WDR25: variants seen among roughly 807,000 people sequenced by gnomAD.
WDR25 encodes WD repeat-containing protein 25.
WDR25 carries 35 observed loss-of-function variants against 47.7 expected under a neutral mutation model. That is an observed-to-expected ratio of 0.73 (90% CI 0.56 to 0.97). The LOEUF (loss-of-function observed/expected upper bound fraction) is 0.97. Ranked by LOEUF, WDR25 falls within the 50% of genes least tolerant of loss-of-function variation. WDR25 has a pLI of 0.00. For missense variants in WDR25, 634 were observed against 704.7 expected (o/e 0.90, Z 1.14); for synonymous variants, 248 against 278.9 (o/e 0.89, Z 1.10).
At chr14:100,505,263 G>A (rs767559037) in intron 4 of WDR25, among the ~76,000 whole-genome samples, 1 of 152,100 alleles carries the variant, frequency 6.6e-6, no homozygotes, top group Non-Finnish European at 1.5e-5. Context: ...TTTGTTTATG[G>A]TGTGAGGTAA....
chr14:100,473,192 C>T (rs942329401), intron 3 of WDR25, among the ~76,000 whole-genome samples: 7 of 152,230 alleles, frequency 4.6e-5, no homozygotes, highest in Non-Finnish European at 7.3e-5. Flanking sequence ...TGGGTTCCAG[C>T]ACGCTGCCTG....
chr14:100,474,617 T>A (rs1371760855), intron 3 of WDR25, among the ~76,000 whole-genome samples: 1 of 152,222 alleles, frequency 6.6e-6, no homozygotes, highest in East Asian at 1.9e-4. Flanking sequence ...ACCAACTTAC[T>A]AGTAAAGCAC....
At chr14:100,516,854 A>G (rs1901514527) in intron 4 of WDR25, among the ~76,000 whole-genome samples, 2 of 151,996 alleles carry the variant, frequency 1.3e-5, no homozygotes, top group East Asian at 1.9e-4. Flanking sequence ...TGGAGATTTT[A>G]GACAATTTAT....
chr14:100,422,275 A>T (rs1395008617), intron 2 of WDR25, among the ~76,000 whole-genome samples: 1 of 152,136 alleles, frequency 6.6e-6, no homozygotes. Context: ...GGAGTATTAC[A>T]TGTGGCCTCT....
At chr14:100,433,808 A>G (rs572853326) in intron 2 of WDR25, among the ~76,000 whole-genome samples, 1 of 152,342 alleles carries the variant, frequency 6.6e-6, no homozygotes, top group Admixed American at 6.5e-5. Flanking sequence ...ATATTCTTTG[A>G]ACATGACTTG....
chr14:100,412,242 T>C (rs1897732199), intron 2 of WDR25, among the ~76,000 whole-genome samples: 1 of 151,350 alleles, frequency 6.6e-6, no homozygotes, highest in Admixed American at 6.6e-5. Flanking sequence ...AACTATCCCT[T>C]GGTGCGTTAT....
intron 4 of WDR25, among the ~76,000 whole-genome samples, chr14:100,508,289 TG>T: frequency 6.6e-6 from 1 of 152,282 alleles, no homozygotes; most frequent in East Asian, 1.9e-4. Flanking sequence ...TAAAAAGAGC[TG>T]TCTATGACAA....
chr14:100,463,886 G>A (rs780525736), intron 2 of WDR25, among the ~76,000 whole-genome samples: 3 of 152,114 alleles, frequency 2.0e-5, no homozygotes, highest in East Asian at 1.9e-4. Flanking sequence ...TACCCTCCAA[G>A]GCAGGCCACT....
At chr14:100,442,711 A>G (rs879875806) in intron 2 of WDR25, among the ~76,000 whole-genome samples, 8 of 152,206 alleles carry the variant, frequency 5.3e-5, no homozygotes, top group Non-Finnish European at 5.9e-5. Flanking sequence ...TACTAAGCAC[A>G]TTTGCCAACC....
At chr14:100,511,509 A>G (rs1282526572) in intron 4 of WDR25, among the ~76,000 whole-genome samples, 1 of 152,046 alleles carries the variant, frequency 6.6e-6, no homozygotes, top group African/African-American at 2.4e-5. Flanking sequence ...TCTGGACACT[A>G]TCTGTCTATC....
At chr14:100,508,221 C>T (rs917954394) in intron 4 of WDR25, among the ~76,000 whole-genome samples, 7 of 152,162 alleles carry the variant, frequency 4.6e-5, no homozygotes, top group Non-Finnish European at 7.4e-5. Flanking sequence ...TAAAATCCAA[C>T]ATCCTTTCGT....
chr14:100,404,438 G>A lies in WDR25; in HGVS notation c.822+22692G>A, dbSNP rs1360895904. On this transcript the variant is annotated intron_variant, in intron 2 of 6. Coordinates refer to ENST00000402312, the MANE Select transcript of WDR25 (RefSeq NM_001161476.3). This position sits in a 1 kb window ranked among gnomAD's most constrained non-coding sequence, Gnocchi z 4.6. ...AAAAGCTGGGTTTACCACTGACAGTGTCATTTCTCATGTGGTTTTCACCTT... is the reference window on the plus strand; with the variant it reads ...AAAAGCTGGGTTTACCACTGACAGTATCATTTCTCATGTGGTTTTCACCTT... 6.6e-6 allele frequency among the ~76,000 whole-genome samples: 1 copy of A among 152,384 alleles called. No homozygotes were observed. Among genetic ancestry groups the A allele is most frequent in the Admixed American group, 6.5e-5 (1 of 15,312 alleles).
intron 3 of WDR25, among the ~76,000 whole-genome samples, chr14:100,473,143 C>T (rs566884406): frequency 6.6e-6 from 1 of 152,208 alleles, no homozygotes; most frequent in Admixed American, 6.5e-5. Flanking sequence ...GACAGGTTAT[C>T]GAGCCCTTGC....
Position 100,529,760 on chromosome 14 carries a change from G to T in WDR25, c.1414-60G>T. On this transcript the variant is annotated intron_variant, in intron 6 of 6. Coordinates refer to ENST00000402312, the MANE Select transcript of WDR25 (RefSeq NM_001161476.3). The surrounding 1 kb of genome is among the most constrained non-coding windows in gnomAD (Gnocchi z 5.1). ...CTTCAGCCTGCTCCTCTGTAGAATG[G>T]GCATACTCACCCCGGCTTGACAGGT... The T allele has an allele frequency of 6.4e-7, 1 of 1,551,706 alleles. No homozygotes were observed. The highest frequency in any genetic ancestry group is 1.2e-5 in the South Asian group (1 of 83,982).
chr14:100,415,491 T>C (rs1461465437), intron 2 of WDR25, among the ~76,000 whole-genome samples: 3 of 152,164 alleles, frequency 2.0e-5, no homozygotes, highest in African/African-American at 7.2e-5. Flanking sequence ...TTTTCAAGGA[T>C]GTTTGAATAG....
chr14:100,524,399 G>T (rs1207022265), intron 4 of WDR25, among the ~76,000 whole-genome samples: 1 of 152,218 alleles, frequency 6.6e-6, no homozygotes, highest in Non-Finnish European at 1.5e-5. Context: ...AGGGATCAAA[G>T]TGTTGAGGCT....
At position 100,382,296 on chromosome 14, in the gene WDR25, C is replaced by T. The variant is rs544331618; in HGVS notation, c.822+550C>T. On this transcript the variant is annotated intron_variant, in intron 2 of 6. Coordinates refer to ENST00000402312, the MANE Select transcript of WDR25 (RefSeq NM_001161476.3). ...GGAGCCCAACGGGAGGGTTACCAGC[C>T]CAGCCCGGCAGGGCTCAGTGAAGGC... is the stretch of plus-strand genomic sequence containing the variant. 4 of 648,816 alleles carry T rather than the reference C, an allele frequency of 6.2e-6. No homozygotes were observed. In the African/African-American group the frequency reaches 7.1e-5, roughly 12 times the overall value. 40.2% of individuals were successfully genotyped at this position (648,816 alleles called of 1,614,324 possible).
At chr14:100,492,608 A>G (rs927399561) in intron 4 of WDR25, among the ~76,000 whole-genome samples, 1 of 152,234 alleles carries the variant, frequency 6.6e-6, no homozygotes, top group Non-Finnish European at 1.5e-5. Flanking sequence ...TAAATCTTCT[A>G]TAATACATAT....
At chr14:100,521,257 C>G (rs1397999149) in intron 4 of WDR25, among the ~76,000 whole-genome samples, 2 of 151,922 alleles carry the variant, frequency 1.3e-5, no homozygotes, top group Non-Finnish European at 2.9e-5. Flanking sequence ...TACATATGGC[C>G]TACAAAACCT....
Sources: allele counts gnomAD v4.1 joint callset (sites outside exome capture counted in the v4.1 genomes callset), GRCh38; gene constraint gnomAD v4.1.1; non-coding constraint Gnocchi (gnomAD v3.1); transcripts MANE v1.5; gene names NCBI Gene and HGNC (gene_info 2026-07-23, HGNC 2026-07-21).